The following CACNA2D1 variants were observed in gnomAD, a reference collection of about 807,000 sequenced individuals.
CACNA2D1 encodes voltage-dependent calcium channel subunit alpha-2/delta-1.
Under a neutral mutation model 171.5 loss-of-function variants are expected in CACNA2D1, and 53 were observed. The ratio of observed to expected loss-of-function variants is 0.31; its 90% CI spans 0.25 to 0.39. The LOEUF (loss-of-function observed/expected upper bound fraction) is 0.39, where lower values mean the gene tolerates loss of function less well. Ranked by LOEUF, CACNA2D1 falls within the 10% of genes least tolerant of loss-of-function variation. CACNA2D1 has a pLI of 1.00. For missense variants in CACNA2D1, 903 were observed against 1,299.8 expected (o/e 0.69, Z 4.69); for synonymous variants, 442 against 443.1 (o/e 1.00, Z 0.03).
intron 1 of CACNA2D1, among the ~76,000 whole-genome samples, chr7:82,424,912 T>G (rs1007305511): frequency 1.3e-5 from 2 of 152,164 alleles, no homozygotes; most frequent in African/African-American, 4.8e-5. Flanking sequence ...CATCTTTTAG[T>G]TTTTGGTGTA....
At chr7:82,297,997 C>T (rs1053125693) in intron 3 of CACNA2D1, among the ~76,000 whole-genome samples, 3 of 151,998 alleles carry the variant, frequency 2.0e-5, no homozygotes, top group African/African-American at 7.2e-5. Flanking sequence ...AACCTTTCCT[C>T]ATTAAATATA....
chr7:82,022,129 T>A (rs1309749114), intron 12 of CACNA2D1, among the ~76,000 whole-genome samples: 2 of 151,908 alleles, frequency 1.3e-5, no homozygotes, highest in Non-Finnish European at 2.9e-5. Context: ...AAGCTGAAGA[T>A]GTGCCTGGTA....
At position 82,422,887 on chromosome 7, in the gene CACNA2D1, G is replaced by GA. The variant is rs879581387; in HGVS notation, c.95+20477dup. ...AAATAAGCAAAAGATGCTTTGTCAA[G>GA]AAAAAAAAAAAATTTCCATGCATTT... On this transcript the variant is annotated intron_variant, in intron 1 of 38. Transcript: ENST00000356860. Among the ~76,000 whole-genome samples, 615 of 143,398 alleles carry GA rather than the reference G, an allele frequency of 4.3e-3. 8 individuals are homozygous for GA. Among genetic ancestry groups the GA allele is most frequent in the African/African-American group, 0.013 (528 of 39,450 alleles). 94.1% of individuals were successfully genotyped at this position (143,398 alleles called of 152,430 possible).
intron 3 of CACNA2D1, among the ~76,000 whole-genome samples, chr7:82,332,824 A>T (rs1045538203): frequency 6.6e-6 from 1 of 152,096 alleles, no homozygotes; most frequent in Non-Finnish European, 1.5e-5. Context: ...ACATAGGGAG[A>T]CCTCATCTCT....
intron 3 of CACNA2D1, among the ~76,000 whole-genome samples, chr7:82,253,556 C>G (rs1395133712): frequency 1.3e-5 from 2 of 152,006 alleles, no homozygotes; most frequent in Non-Finnish European, 2.9e-5. Flanking sequence ...TTTTGATACA[C>G]AAAAGTAAGA....
At chr7:82,012,400 T>A in intron 14 of CACNA2D1, 157 bp from the exon 15 acceptor site, 1 of 628,412 alleles carries the variant, frequency 1.6e-6, no homozygotes, top group Non-Finnish European at 2.8e-6. Flanking sequence ...TTTTGGGTAC[T>A]CCATAGGTGG....
intron 7 of CACNA2D1, among the ~76,000 whole-genome samples, chr7:82,073,746 G>T (rs1363756502): frequency 2.6e-5 from 4 of 151,974 alleles, no homozygotes; most frequent in Admixed American, 6.6e-5. Context: ...GATTACAGGT[G>T]CCCACAACCA....
At chr7:81,962,597 A>G in intron 34 of CACNA2D1, 102 bp from the exon 35 acceptor site, 2 of 752,056 alleles carry the variant, frequency 2.7e-6, no homozygotes, top group Non-Finnish European at 4.6e-6. Flanking sequence ...TTTTTGGGAA[A>G]GAAAGTCTTG....
At chr7:82,349,284 T>A (rs1392857453) in intron 2 of CACNA2D1, among the ~76,000 whole-genome samples, 14 of 152,140 alleles carry the variant, frequency 9.2e-5, no homozygotes, top group Non-Finnish European at 2.1e-4. Context: ...GTACATGACT[T>A]CCCTATTTAA....
chr7:82,234,978 G>A (rs896167368), intron 3 of CACNA2D1, among the ~76,000 whole-genome samples: 5 of 152,162 alleles, frequency 3.3e-5, no homozygotes, highest in African/African-American at 9.6e-5. Context: ...CAAGTGCTGC[G>A]ATTTATCACT....
intron 5 of CACNA2D1, among the ~76,000 whole-genome samples, chr7:82,135,915 T>C (rs1584875744): frequency 1.3e-5 from 2 of 152,164 alleles, no homozygotes; most frequent in East Asian, 1.9e-4. Context: ...AAGAAATAAG[T>C]ATACATAGGC....
At chr7:82,013,404 C>A in intron 14 of CACNA2D1, 57 bp downstream of exon 14, 4 of 763,078 alleles carry the variant, frequency 5.2e-6, no homozygotes, top group South Asian at 2.3e-5. Flanking sequence ...ATATTTAAAC[C>A]AGAAAAATAT....
In CACNA2D1 at chr7:82,175,060, C is replaced by CA. The variant is rs559036401; in HGVS notation, c.295-4452dup. Among the ~76,000 whole-genome samples the CA allele has an allele frequency of 5.3e-5, 8 of 150,992 alleles. 1 individual carries two copies. The South Asian group carries it at 1.0e-3, about 20-fold the overall frequency. On this transcript the variant is annotated intron_variant, in intron 3 of 38. Coordinates refer to ENST00000356860, the MANE Select transcript of CACNA2D1 (RefSeq NM_000722.4). Reference sequence around the variant, plus strand: ...TAATCAATATCCACATATATTTTTCCAAAAAAAAGACTATTTTCCAAACAT... The same window carrying CA: ...TAATCAATATCCACATATATTTTTCCAAAAAAAAAGACTATTTTCCAAACAT...
intron 3 of CACNA2D1, among the ~76,000 whole-genome samples, chr7:82,237,954 T>A (rs899116133): frequency 6.6e-6 from 1 of 151,888 alleles, no homozygotes; most frequent in Non-Finnish European, 1.5e-5. Context: ...CTCATTACTG[T>A]TACTCATGGT....
At chr7:82,441,054 A>G (rs1036027811) in intron 1 of CACNA2D1, among the ~76,000 whole-genome samples, 2 of 151,984 alleles carry the variant, frequency 1.3e-5, no homozygotes, top group African/African-American at 4.8e-5. Context: ...TTGACACTAC[A>G]GTCTTTGCAC....
intron 38 of CACNA2D1, among the ~76,000 whole-genome samples, chr7:81,958,586 A>G (rs1363210224): frequency 2.0e-5 from 3 of 152,062 alleles, no homozygotes. Context: ...ATCAATACAC[A>G]GTAAATCAGA....
rs559373393 is a variant in CACNA2D1, at chr7:82,274,345, T to G, written c.294+60790A>C. On this transcript the variant is annotated intron_variant, in intron 3 of 38. Transcript: ENST00000356860. ...ATACTATAAAAAGTCTATTATTTTC[T>G]TTATTGCATATTTACTTTAATTTGT... Among the ~76,000 whole-genome samples the G allele has an allele frequency of 5.9e-5, 9 of 152,346 alleles. 1 individual carries two copies. In the South Asian group the frequency reaches 1.9e-3, roughly 32 times the overall value.
At chr7:82,382,767 T>C (rs1482313730) in intron 1 of CACNA2D1, among the ~76,000 whole-genome samples, 1 of 152,220 alleles carries the variant, frequency 6.6e-6, no homozygotes, top group Non-Finnish European at 1.5e-5. Flanking sequence ...GAATTATTGG[T>C]ATTTAAAACT....
intron 4 of CACNA2D1, among the ~76,000 whole-genome samples, chr7:82,163,530 A>T (rs1795148881): frequency 6.6e-6 from 1 of 152,054 alleles, no homozygotes; most frequent in Non-Finnish European, 1.5e-5. Flanking sequence ...AAAGACACAC[A>T]AAGAAAGGCA....
Sources: allele counts gnomAD v4.1 joint callset (sites outside exome capture counted in the v4.1 genomes callset), GRCh38; gene constraint gnomAD v4.1.1; transcripts MANE v1.5; gene names NCBI Gene and HGNC (gene_info 2026-07-23, HGNC 2026-07-21).